Variants in TRERF1 observed in about 807,000 individuals in gnomAD.
TRERF1 encodes transcriptional-regulating factor 1.
Under a neutral mutation model 122.9 loss-of-function variants are expected in TRERF1, and 27 were observed. The ratio of observed to expected loss-of-function variants is 0.22; its 90% CI spans 0.16 to 0.30. The LOEUF is 0.30. Among genes scored for constraint, TRERF1 ranks in the 10% least tolerant of loss-of-function variants. TRERF1 has a pLI of 1.00. For missense variants in TRERF1, 1,248 were observed against 1,560.3 expected, an observed-to-expected ratio of 0.80 and a Z score of 3.37; for synonymous variants, 636 against 641.7, an observed-to-expected ratio of 0.99 and a Z score of 0.13.
chr6:42,268,386 C>T lies in TRERF1; in HGVS notation c.1205G>A (p.Arg402His), dbSNP rs143722540. The change falls in exon 5 of 18, where the codon CGT becomes CAT. Residue 402 changes from arginine (R) to histidine (H), a missense_variant. By Grantham distance (29) the Arg-to-His change is conservative (BLOSUM62 0). Coordinates refer to ENST00000372922, the Ensembl canonical transcript of TRERF1. This position sits in a 1 kb window ranked among gnomAD's most constrained non-coding sequence, Gnocchi z 4.4. ...GTAGGTCTTCAGCTGACTGTCCTCA[C>T]GCTGCTGGTGCTGGGACAGGTGGCT... The T allele has an allele frequency of 1.0e-5, 16 of 1,540,652 alleles. No individual in the cohort carries two copies. The highest frequency in any genetic ancestry group is 2.6e-5 in the South Asian group (2 of 78,016).
In TRERF1 at chr6:42,438,338, G is replaced by T. The variant is rs190226410; in HGVS notation, c.-454+12839C>A. ...GAAAACAATCCCCCTGGCCGGGGGC[G>T]GTGGCTCACGCCTGTAATCCCAGCA... On this transcript the variant is annotated intron_variant, in intron 2 of 17. Coordinates refer to ENST00000372922, the Ensembl canonical transcript of TRERF1. 3.1e-3 allele frequency among the ~76,000 whole-genome samples: 478 copies of T among 151,828 alleles called. 3 individuals carry two copies. The highest frequency in any genetic ancestry group is 0.011 in the African/African-American group (443 of 41,436).
intron 3 of TRERF1, among the ~76,000 whole-genome samples, chr6:42,339,584 A>G (rs57174635): frequency 0.094 from 14,384 of 152,256 alleles, 1,032 homozygotes; most frequent in African/African-American, 0.2. Flanking sequence ...TTCTTGGATT[A>G]CTTTTCTGAG....
In TRERF1 at chr6:42,268,805, T is replaced by C; in HGVS notation, c.786A>G (p.Gln262=). The change falls in exon 5 of 18, where the codon CAA becomes CAG. Residue 262 remains glutamine, a synonymous_variant. Coordinates refer to ENST00000372922, the Ensembl canonical transcript of TRERF1. This position sits in a 1 kb window ranked among gnomAD's most constrained non-coding sequence, Gnocchi z 4.4. ...GGTAATACTGGTGCTGCTGCATCTG[T>C]TGCATGTGCTGTGACAGCATCTGTG... 6.2e-7 allele frequency: 1 copy of C among 1,614,184 alleles called. No individual in the cohort carries two copies. Among genetic ancestry groups the C allele is most frequent in the Non-Finnish European group, 8.5e-7 (1 of 1,180,036 alleles).
chr6:42,295,275 C>A (rs1355385150), intron 4 of TRERF1, among the ~76,000 whole-genome samples: 1 of 152,178 alleles, frequency 6.6e-6, no homozygotes, highest in Non-Finnish European at 1.5e-5. Flanking sequence ...AGTTGCCAAT[C>A]CCTGTTTTAC....
At chr6:42,265,704 A>G (rs1282767883) in intron 6 of TRERF1, 47 bp downstream of exon 6, 2 of 1,589,712 alleles carry the variant, frequency 1.3e-6, no homozygotes, top group Non-Finnish European at 1.7e-6. Context: ...CACCCCAGAA[A>G]ATCCTCCCCG....
chr6:42,264,836 C>A, exon 7 of TRERF1: 1 of 1,614,172 alleles, frequency 6.2e-7, no homozygotes, highest in Non-Finnish European at 8.5e-7. Flanking sequence ...GCTCCCCAAA[C>A]GCTCCTTTGG....
intron 13 of TRERF1, among the ~76,000 whole-genome samples, chr6:42,248,664 C>T (rs771215523): frequency 6.6e-5 from 10 of 152,254 alleles, no homozygotes; most frequent in African/African-American, 2.4e-4. Flanking sequence ...AAACTTATCT[C>T]TTTACTTCTA....
intron 16 of TRERF1, among the ~76,000 whole-genome samples, chr6:42,234,644 C>A (rs1771677753): frequency 6.6e-6 from 1 of 152,132 alleles, no homozygotes; most frequent in South Asian, 2.1e-4. Flanking sequence ...CCTGGCCAAG[C>A]TCTGGTTATT....
Position 42,275,029 on chromosome 6 carries a change from C to T in TRERF1, c.-258-5181G>A, listed in dbSNP as rs141101838. Among the ~76,000 whole-genome samples, 247 of 152,332 alleles carry T rather than the reference C, an allele frequency of 1.6e-3. 1 individual carries two copies. The highest frequency in any genetic ancestry group is 5.7e-3 in the African/African-American group (238 of 41,572). On this transcript the variant is annotated intron_variant, in intron 4 of 17. Coordinates refer to ENST00000372922, the Ensembl canonical transcript of TRERF1. The surrounding 1 kb of genome is among the most constrained non-coding windows in gnomAD (Gnocchi z 4.1). ...AGGTTCTTATATATCCTCCTAGAGA[C>T]ACTTTATGCTCATACAAGAACACTA... is the stretch of plus-strand genomic sequence containing the variant.
chr6:42,336,278 G>A (rs915425245), intron 3 of TRERF1, among the ~76,000 whole-genome samples: 1 of 152,112 alleles, frequency 6.6e-6, no homozygotes, highest in South Asian at 2.1e-4. Context: ...CAGGATCCAG[G>A]AGCACCTGTT....
At chr6:42,265,625 AGCT>A (rs1289204098) in intron 6 of TRERF1, 123 bp downstream of exon 6, 2 of 1,048,936 alleles carry the variant, frequency 1.9e-6, no homozygotes, top group African/African-American at 3.2e-5. Flanking sequence ...CAAACACAAC[AGCT>A]GCTATTATTA....
chr6:42,419,965 C>G (rs1782525676), intron 2 of TRERF1, among the ~76,000 whole-genome samples: 1 of 152,222 alleles, frequency 6.6e-6, no homozygotes, highest in Non-Finnish European at 1.5e-5. Context: ...CTAAATCACA[C>G]TCCCTTCACC....
chr6:42,379,676 G>A (rs1386632676), intron 2 of TRERF1, among the ~76,000 whole-genome samples: 1 of 152,128 alleles, frequency 6.6e-6, no homozygotes, highest in Non-Finnish European at 1.5e-5. Context: ...GACCACAGGC[G>A]TGTGCTACCA....
intron 3 of TRERF1, among the ~76,000 whole-genome samples, chr6:42,341,417 C>G (rs1014057029): frequency 6.6e-6 from 1 of 152,198 alleles, no homozygotes; most frequent in East Asian, 1.9e-4. Flanking sequence ...AAAGTACAGG[C>G]ACTGGGTGGT....
chr6:42,354,385 CCTT>C (rs1770103001), intron 3 of TRERF1, among the ~76,000 whole-genome samples: 1 of 128,642 alleles, frequency 7.8e-6, no homozygotes. Context: ...CTGTTGTTTC[CCTT>C]TTTTTTTTTC....
At chr6:42,231,662 C>T (rs1770562623) in intron 17 of TRERF1, among the ~76,000 whole-genome samples, 1 of 152,188 alleles carries the variant, frequency 6.6e-6, no homozygotes, top group African/African-American at 2.4e-5. Context: ...AATGTAGTAC[C>T]CTTCCAGTCA....
intron 2 of TRERF1, among the ~76,000 whole-genome samples, chr6:42,421,548 C>A (rs1042858444): frequency 1.3e-5 from 2 of 151,562 alleles, no homozygotes; most frequent in Non-Finnish European, 2.9e-5. Flanking sequence ...CTGAGGCAGG[C>A]GGATTGCCTG....
chr6:42,273,668 A>G (rs1241211848), intron 4 of TRERF1, among the ~76,000 whole-genome samples: 10 of 152,184 alleles, frequency 6.6e-5, no homozygotes, highest in Non-Finnish European at 1.5e-4. Flanking sequence ...ATCAGGCTAC[A>G]TTTGTAAGAA....
rs777940145 is a variant in TRERF1, at chr6:42,269,179, C to T, written c.412G>A (p.Gly138Ser). ...AAAGAGTCCAGCTTGTGTAAGACAC[C>T]GCTGGTAAGCTTCTGGGTCCGGATC... Residue 138 changes from glycine to serine, a missense_variant, in exon 5 of 18, where the codon GGT becomes AGT. Coordinates refer to ENST00000372922, the Ensembl canonical transcript of TRERF1. This position sits in a 1 kb window ranked among gnomAD's most constrained non-coding sequence, Gnocchi z 4.9. 33 of 1,614,176 alleles carry T rather than the reference C, an allele frequency of 2.0e-5. No homozygotes were observed. The highest frequency in any genetic ancestry group is 3.3e-4 in the Middle Eastern group (2 of 6,062).
Sources: gnomAD v4.1 joint callset for allele counts (sites outside exome capture counted in the v4.1 genomes callset) on GRCh38, gnomAD v4.1.1 for gene constraint, Gnocchi (gnomAD v3.1) non-coding constraint, MANE v1.5 for transcripts, NCBI Gene and HGNC (gene_info 2026-07-23, HGNC 2026-07-21) for gene names.